The following ZNF525 variants were observed in gnomAD, a reference collection of about 807,000 sequenced individuals.
The protein encoded by ZNF525 is zinc finger protein 525.
A neutral mutation model predicts 37.6 loss-of-function variants in ZNF525; 33 were observed. The ratio of observed to expected loss-of-function variants is 0.88; its 90% CI spans 0.67 to 1.17. ZNF525 has a LOEUF of 1.17. Ranked by LOEUF, ZNF525 falls within the 50% of genes most tolerant of loss-of-function variation. The pLI, the probability that ZNF525 is intolerant of heterozygous loss-of-function variation, is 0.00. For missense variants in ZNF525, 449 were observed against 543.1 expected (o/e 0.83, Z 1.72); for synonymous variants, 170 against 182.3 (o/e 0.93, Z 0.54).
chr19:53,375,963 A>G (rs1313198080), intron 3 of ZNF525, 67 bp downstream of exon 3: 2 of 1,609,938 alleles, frequency 1.2e-6, no homozygotes, highest in Non-Finnish European at 1.7e-6. Context: ...CTCTTTTTTT[A>G]GATAGAGTAT....
In ZNF525 at chr19:53,384,336, C is replaced by A. The variant is rs1179976253; in HGVS notation, c.*2317C>A. 5.8e-6 allele frequency: 1 copy of A among 172,238 alleles called. No homozygotes were observed. Among genetic ancestry groups the A allele is most frequent in the Admixed American group, 5.8e-5 (1 of 17,170 alleles). 10.7% of individuals were successfully genotyped at this position (172,238 alleles called of 1,614,324 possible). On this transcript the variant is annotated 3_prime_UTR_variant, in exon 4 of 4. Coordinates refer to ENST00000474037, the MANE Select transcript of ZNF525 (RefSeq NM_001348156.2). Reference sequence around the variant, plus strand: ...ACTTTTCCCAGCCTGTTTTTTGTTTCTTTAACAAAAACTGATAGGGATTTT... The same window carrying A: ...ACTTTTCCCAGCCTGTTTTTTGTTTATTTAACAAAAACTGATAGGGATTTT...
rs2085584613 is a variant in ZNF525, at chr19:53,383,671, C to T, written c.*1652C>T. ...TTGACTAACGTAATGATTCTCACAA[C>T]GTCTTCAGTAATGCTACAACCATTG... On this transcript the variant is annotated 3_prime_UTR_variant, in exon 4 of 4. Transcript: ENST00000474037. The T allele has an allele frequency of 9.2e-6, 7 of 757,254 alleles. No homozygotes were observed. The highest frequency in any genetic ancestry group is 4.6e-5 in the Admixed American group (2 of 43,292). The allele number at this position is 757,254 out of a possible 1,614,324, so 46.9% of individuals were successfully genotyped here.
Position 53,381,609 on chromosome 19 carries a change from T to C in ZNF525, c.1030T>C (p.Cys344Arg), listed in dbSNP as rs777216584. Residue 344 changes from cysteine (C) to arginine (R), a missense_variant, in exon 4 of 4, where the codon TGC (cysteine) becomes CGC (arginine). Physicochemically the swap from Cys to Arg is radical, Grantham distance 180. This residue lies in a region of ZNF525 where 178 missense variants were observed against 161.5 expected (regional missense o/e 1.10). Coordinates refer to ENST00000474037, the MANE Select transcript of ZNF525 (RefSeq NM_001348156.2). The stretch of plus-strand genomic sequence containing the variant: ...CTTTAGTCAGAAGTCATACCTTGCA[T>C]GCCATCGTAGCATTCATACTGGAAA... ...KTFSQKSYLA[C>R]HRSIHTGKKP... The C allele has an allele frequency of 1.8e-6, 2 of 1,104,150 alleles. No individual in the cohort carries two copies. Among genetic ancestry groups the C allele is most frequent in the Admixed American group, 1.7e-5 (1 of 59,392 alleles). The allele number at this position is 1,104,150 out of a possible 1,614,324, so 68.4% of individuals were successfully genotyped here. A position where few individuals can be genotyped will look rare whatever the true frequency, so the allele number is the denominator to read the frequency against.
rs772150172 is a variant in ZNF525, at chr19:53,382,040, A to C, written c.*21A>C. On this transcript the variant is annotated 3_prime_UTR_variant, in exon 4 of 4. Transcript: ENST00000474037. ...AATAAAATCTTGAAATACGTCAGAA[A>C]ATTCATACTGGAGAGAAATGTTATA... 5.6e-5 allele frequency: 76 copies of C among 1,352,748 alleles called. No individual in the cohort carries two copies. The highest frequency in any genetic ancestry group is 7.6e-5 in the Non-Finnish European group (73 of 958,252). 83.8% of individuals were successfully genotyped at this position (1,352,748 alleles called of 1,614,324 possible).
rs146292260 is a variant in ZNF525, at chr19:53,380,659, A to G, written c.143-63A>G. 1.7e-4 allele frequency: 130 copies of G among 786,886 alleles called. No homozygotes were observed. The East Asian group carries it at 2.6e-3, about 16-fold the overall frequency. 48.7% of individuals were successfully genotyped at this position (786,886 alleles called of 1,614,324 possible). A position where few individuals can be genotyped will look rare whatever the true frequency, so the allele number is the denominator to read the frequency against. The stretch of plus-strand genomic sequence containing the variant: ...TTTGTGTTCCTAAACTTTGAAGATC[A>G]TGTTTGGGAAGTTTAAAATCAGTAT... On this transcript the variant is annotated intron_variant, in intron 3 of 3. Coordinates refer to ENST00000474037, the MANE Select transcript of ZNF525 (RefSeq NM_001348156.2).
Position 53,384,520 on chromosome 19 carries a change from G to T in ZNF525, c.*2501G>T. 6.4e-6 allele frequency: 1 copy of T among 156,418 alleles called. No homozygotes were observed. The highest frequency in any genetic ancestry group is 1.4e-5 in the Non-Finnish European group (1 of 69,816). 9.7% of individuals were successfully genotyped at this position (156,418 alleles called of 1,614,324 possible). On this transcript the variant is annotated 3_prime_UTR_variant, in exon 4 of 4. Transcript: ENST00000474037. ...AGGTACAAACGTCTCACCTTTTTAC[G>T]TTTATTCCTAAGTATTTCTTATTTT...
At position 53,375,803 on chromosome 19, in the gene ZNF525, TTC is replaced by T. The variant is rs2085517475; in HGVS notation, c.54_55del (p.Gln19GlyfsTer23). ...LLTFRDVAIE[F>X]SQEEWKCLDP... ...GACATTCAGGGATGTGGCCATAGAA[TTC>T]TCTCAGGAGGAGTGGAAATGCCTGG... On this transcript the variant is annotated frameshift_variant, in exon 3 of 4. Transcript: ENST00000474037. LOFTEE classifies it high-confidence loss of function. 6.2e-7 allele frequency: 1 copy of T among 1,613,806 alleles called. No homozygotes were observed. The highest frequency in any genetic ancestry group is 1.1e-5 in the South Asian group (1 of 91,078).
Position 53,382,617 on chromosome 19 carries a change from A to T in ZNF525, c.*598A>T. ...CATAGGCAGTCAGCGCTTATTTACC[A>T]TCAAGCAATCCATGGCAGAGGGAAA... On this transcript the variant is annotated 3_prime_UTR_variant, in exon 4 of 4. Transcript: ENST00000474037. 1 of 690,088 alleles carries T rather than the reference A, an allele frequency of 1.4e-6. No homozygotes were observed. Among genetic ancestry groups the T allele is most frequent in the East Asian group, 2.9e-5 (1 of 34,434 alleles). 42.7% of individuals were successfully genotyped at this position (690,088 alleles called of 1,614,324 possible). A position where few individuals can be genotyped will look rare whatever the true frequency, so the allele number is the denominator to read the frequency against.
Position 53,382,844 on chromosome 19 carries a change from A to C in ZNF525, c.*825A>C. 1 of 1,305,360 alleles carries C rather than the reference A, an allele frequency of 7.7e-7. No individual in the cohort carries two copies. The highest frequency in any genetic ancestry group is 1.1e-6 in the Non-Finnish European group (1 of 912,304). 80.9% of individuals were successfully genotyped at this position (1,305,360 alleles called of 1,614,324 possible). ...ATGTGAAGAATGTGATAAAGCTTTCAGATTCAAATCAAACCTTGAAAGTCA... is the reference window on the plus strand; with the variant it reads ...ATGTGAAGAATGTGATAAAGCTTTCCGATTCAAATCAAACCTTGAAAGTCA... On this transcript the variant is annotated 3_prime_UTR_variant, in exon 4 of 4. Coordinates refer to ENST00000474037, the MANE Select transcript of ZNF525 (RefSeq NM_001348156.2).
rs917359207 is a variant in ZNF525, at chr19:53,382,821, G to A, written c.*802G>A. 7.3e-6 allele frequency: 9 copies of A among 1,228,072 alleles called. No individual in the cohort carries two copies. Among genetic ancestry groups the A allele is most frequent in the Middle Eastern group, 3.9e-4 (2 of 5,142 alleles). The allele number at this position is 1,228,072 out of a possible 1,614,324, so 76.1% of individuals were successfully genotyped here. A position where few individuals can be genotyped will look rare whatever the true frequency, so the allele number is the denominator to read the frequency against. On this transcript the variant is annotated 3_prime_UTR_variant, in exon 4 of 4. Coordinates refer to ENST00000474037, the MANE Select transcript of ZNF525 (RefSeq NM_001348156.2). ...CATGCTGGAGAGAAACCTTACAAAT[G>A]TGAAGAATGTGATAAAGCTTTCAGA... is the stretch of plus-strand genomic sequence containing the variant.
chr19:53,369,283 C>G lies in ZNF525; in HGVS notation c.-67-2932C>G, dbSNP rs193138338. On this transcript the variant is annotated intron_variant, in intron 1 of 3. Coordinates refer to ENST00000474037, the MANE Select transcript of ZNF525 (RefSeq NM_001348156.2). Reference sequence around the variant, plus strand: ...TTGAGCTGGAGTTTTGCTCTTGTTGCCCAGGCTGGAGTGCAATGGCACAAT... The same window carrying G: ...TTGAGCTGGAGTTTTGCTCTTGTTGGCCAGGCTGGAGTGCAATGGCACAAT... Among the ~76,000 whole-genome samples, 790 of 151,850 alleles carry G rather than the reference C, an allele frequency of 5.2e-3. 7 individuals are homozygous for G. The highest frequency in any genetic ancestry group is 0.019 in the African/African-American group (767 of 41,404).
chr19:53,374,710 A>C (rs879473916), intron 2 of ZNF525, among the ~76,000 whole-genome samples: 3 of 152,232 alleles, frequency 2.0e-5, no homozygotes, highest in Admixed American at 1.3e-4. Context: ...ATAGACACAC[A>C]CAAATGTATA....
In ZNF525 at chr19:53,381,524, A is replaced by C. The variant is rs761069760; in HGVS notation, c.945A>C (p.Gln315His). 1 of 1,264,022 alleles carries C rather than the reference A, an allele frequency of 7.9e-7. No individual in the cohort carries two copies. The highest frequency in any genetic ancestry group is 1.2e-5 in the South Asian group (1 of 83,812). 78.3% of individuals were successfully genotyped at this position (1,264,022 alleles called of 1,614,324 possible). A position where few individuals can be genotyped will look rare whatever the true frequency, so the allele number is the denominator to read the frequency against. ...CTTTCAGACACAATTCAGCCCTTCA[A>C]AGACATAGGAGAATTCATACTGGAG... ...DKAFRHNSAL[Q>H]RHRRIHTGEK... The change falls in exon 4 of 4, where the codon CAA becomes CAC. Residue 315 changes from glutamine (Q) to histidine (H), a missense_variant. Around this residue, in one of 2 missense-constraint regions of ZNF525, gnomAD observed 178 missense variants for 161.5 expected, o/e 1.10. Coordinates refer to ENST00000474037, the MANE Select transcript of ZNF525 (RefSeq NM_001348156.2).
intron 1 of ZNF525, among the ~76,000 whole-genome samples, chr19:53,367,787 G>A (rs1568753191): frequency 6.6e-6 from 1 of 152,086 alleles, no homozygotes; most frequent in African/African-American, 2.4e-5. Context: ...TAGGCTAGGA[G>A]GTAGTCTAAA....
rs2085492432 is a variant in ZNF525 at position 53,372,212 on chromosome 19, C to T, written c.-67-3C>T. 5.8e-6 allele frequency: 4 copies of T among 690,448 alleles called. No homozygotes were observed. Among genetic ancestry groups the T allele is most frequent in the Non-Finnish European group, 1.0e-5 (4 of 383,800 alleles). 42.8% of individuals were successfully genotyped at this position (690,448 alleles called of 1,614,324 possible). On this transcript the variant is annotated splice_polypyrimidine_tract_variant and splice_region_variant and intron_variant, in intron 1 of 3. Transcript: ENST00000474037. Reference sequence around the variant, plus strand: ...CAATAAACAACATATTTTTATCACTCAGGATTGACATCTAAAGACTCTTGG... The same window carrying T: ...CAATAAACAACATATTTTTATCACTTAGGATTGACATCTAAAGACTCTTGG...
intron 1 of ZNF525, among the ~76,000 whole-genome samples, chr19:53,369,715 CTTTTTTTTTTTTTTT>C (rs57431960): frequency 7.4e-5 from 6 of 81,192 alleles, no homozygotes; most frequent in East Asian, 3.9e-4. Flanking sequence ...AAAGAAGTTT[CTTTTTTTTTTTTTTT>C]TTTTTTTTTT....
rs4570987 is a variant in ZNF525 at position 53,381,205 on chromosome 19, G to T, written c.626G>T (p.Arg209Leu). Residue 209 changes from arginine to leucine, a missense_variant, in exon 4 of 4, where the codon CGC becomes CTC. By Grantham distance (102) the Arg-to-Leu change is moderately radical (BLOSUM62 -2). Transcript: ENST00000474037. Reference sequence around the variant, plus strand: ...TTACTCACACAAAGACAGGAAGTACGCATGAGAGAAAAATCTTTCCAATGT... The same window carrying T: ...TTACTCACACAAAGACAGGAAGTACTCATGAGAGAAAAATCTTTCCAATGT... Reference protein sequence around the residue: ...YSLLTQRQEVRMREKSFQCIE... With the variant: ...YSLLTQRQEVLMREKSFQCIE... 2 of 1,340,426 alleles carry T rather than the reference G, an allele frequency of 1.5e-6. No individual in the cohort carries two copies. Among genetic ancestry groups the T allele is most frequent in the Non-Finnish European group, 2.1e-6 (2 of 930,452 alleles). 83.0% of individuals were successfully genotyped at this position (1,340,426 alleles called of 1,614,324 possible). A position where few individuals can be genotyped will look rare whatever the true frequency, so the allele number is the denominator to read the frequency against.
At chr19:53,373,132 AC>A (rs71337413) in intron 2 of ZNF525, among the ~76,000 whole-genome samples, 1 of 152,104 alleles carries the variant, frequency 6.6e-6, no homozygotes, top group South Asian at 2.1e-4. Context: ...TTTCTCTGTC[AC>A]CCAGGCTGAA....
rs754657851 is a variant in ZNF525, at chr19:53,381,282, A to T, written c.703A>T (p.Ile235Phe). The T allele has an allele frequency of 1.5e-5, 21 of 1,441,806 alleles. No individual in the cohort carries two copies. Among genetic ancestry groups the T allele is most frequent in the Non-Finnish European group, 2.1e-5 (21 of 1,023,114 alleles). 89.3% of individuals were successfully genotyped at this position (1,441,806 alleles called of 1,614,324 possible). A position where few individuals can be genotyped will look rare whatever the true frequency, so the allele number is the denominator to read the frequency against. ...TAGCTCACTCTTAAGGAAACATCAG[A>T]TTATTCATCTAGGAGAGAAACAATA... Reference protein sequence around the residue: ...NYSSLLRKHQIIHLGEKQYKC... With the variant: ...NYSSLLRKHQFIHLGEKQYKC... Residue 235 changes from isoleucine (I) to phenylalanine (F), a missense_variant, in exon 4 of 4, where the codon ATT becomes TTT. This residue lies in a region of ZNF525 where 271 missense variants were observed against 381.6 expected (regional missense o/e 0.71). Transcript: ENST00000474037.
Sources: gnomAD v4.1 joint callset for allele counts (sites outside exome capture counted in the v4.1 genomes callset) on GRCh38, gnomAD v4.1.1 for gene constraint, gnomAD v4.1.1 regional missense constraint, MANE v1.5 for transcripts, NCBI Gene and HGNC (gene_info 2026-07-23, HGNC 2026-07-21) for gene names.